The following PLXNC1 variants were observed in gnomAD, a reference collection of about 807,000 sequenced individuals.
The protein encoded by PLXNC1 is plexin C1, also known as plexin-C1.
PLXNC1 carries 75 observed loss-of-function variants against 178.2 expected under a neutral mutation model. The observed-to-expected ratio is 0.42, with a 90% CI of 0.35 to 0.51. PLXNC1 has a LOEUF of 0.51. Among genes scored for constraint, PLXNC1 ranks in the 20% least tolerant of loss-of-function variants. The pLI is 0.02. For missense variants in PLXNC1, 1,503 were observed against 1,984.4 expected, an observed-to-expected ratio of 0.76 and a Z score of 4.61; for synonymous variants, 790 against 779.9, an observed-to-expected ratio of 1.01 and a Z score of -0.22.
At chr12:94,212,273 C>CAA (rs146191533) in intron 5 of PLXNC1, among the ~76,000 whole-genome samples, 156 of 89,076 alleles carry the variant, frequency 1.8e-3, no homozygotes, top group Non-Finnish European at 2.1e-3. Context: ...GACTCCGTCT[C>CAA]AAAAAAAAAA....
intron 14 of PLXNC1, 144 bp downstream of exon 14, chr12:94,248,556 C>A: frequency 1.4e-6 from 1 of 696,690 alleles, no homozygotes; most frequent in Non-Finnish European, 2.3e-6. Flanking sequence ...GTACTGCGAG[C>A]CCAAGCAAAA....
At chr12:94,198,765 T>A (rs1963015749) in intron 4 of PLXNC1, among the ~76,000 whole-genome samples, 2 of 152,192 alleles carry the variant, frequency 1.3e-5, no homozygotes, top group Non-Finnish European at 2.9e-5. Flanking sequence ...TGCCTTGGTC[T>A]TCACATGACC....
chr12:94,187,255 TAAG>T (rs1024014943), intron 4 of PLXNC1, among the ~76,000 whole-genome samples: 19 of 150,806 alleles, frequency 1.3e-4, no homozygotes, highest in South Asian at 6.3e-4. Flanking sequence ...GTGAAAAGGA[TAAG>T]AAAGAGCAGA....
At chr12:94,182,857 C>CTATATCTATA (rs570479179) in intron 3 of PLXNC1, among the ~76,000 whole-genome samples, 1 of 141,746 alleles carries the variant, frequency 7.1e-6, no homozygotes, top group South Asian at 2.3e-4. Flanking sequence ...TCAAGAATAT[C>CTATATCTATA]TGTATCTATC....
intron 4 of PLXNC1, among the ~76,000 whole-genome samples, chr12:94,204,555 G>A (rs1229681280): frequency 6.6e-6 from 1 of 152,212 alleles, no homozygotes; most frequent in Admixed American, 6.5e-5. Flanking sequence ...TTGGTCTTAT[G>A]TTTTGGCATT....
At position 94,170,141 on chromosome 12, in the gene PLXNC1, T is replaced by C. The variant is rs185434763; in HGVS notation, c.1203+848T>C. 9.6e-3 allele frequency among the ~76,000 whole-genome samples: 1,465 copies of C among 152,314 alleles called. 33 individuals carry two copies. The highest frequency in any genetic ancestry group is 0.034 in the African/African-American group (1,405 of 41,556). ...ATTTACTCTCAGCTCAGATTTTTAA[T>C]CGAGTAATGGTAGATCTGTTTCCCT... is the stretch of plus-strand genomic sequence containing the variant. On this transcript the variant is annotated intron_variant, in intron 2 of 30. Coordinates refer to ENST00000258526, the MANE Select transcript of PLXNC1 (RefSeq NM_005761.3).
chr12:94,195,038 T>G (rs1253680051), intron 4 of PLXNC1, among the ~76,000 whole-genome samples: 1 of 152,010 alleles, frequency 6.6e-6, no homozygotes, highest in Non-Finnish European at 1.5e-5. Context: ...GTGAGAGGTC[T>G]GTGGAGAGAC....
At chr12:94,187,906 G>A (rs1962579724) in intron 4 of PLXNC1, among the ~76,000 whole-genome samples, 1 of 152,086 alleles carries the variant, frequency 6.6e-6, no homozygotes, top group South Asian at 2.1e-4. Context: ...GTTGATTGAG[G>A]AGAGAAGTTT....
At chr12:94,174,134 G>C (rs1312870847) in intron 2 of PLXNC1, among the ~76,000 whole-genome samples, 2 of 152,156 alleles carry the variant, frequency 1.3e-5, no homozygotes, top group Non-Finnish European at 2.9e-5. Context: ...CTTGGGCTCA[G>C]ACTGGTTACC....
At chr12:94,156,104 A>G (rs1961158012) in intron 1 of PLXNC1, among the ~76,000 whole-genome samples, 1 of 152,262 alleles carries the variant, frequency 6.6e-6, no homozygotes, top group Non-Finnish European at 1.5e-5. Flanking sequence ...ATCTATAAAT[A>G]GTGATCCTCT....
chr12:94,234,330 T>G (rs137981172), intron 9 of PLXNC1, among the ~76,000 whole-genome samples: 1 of 152,204 alleles, frequency 6.6e-6, no homozygotes, highest in Non-Finnish European at 1.5e-5. Context: ...TTAGACCTTT[T>G]GAAAGATAAC....
chr12:94,196,473 G>C (rs1210550196), intron 4 of PLXNC1, among the ~76,000 whole-genome samples: 1 of 152,120 alleles, frequency 6.6e-6, no homozygotes, highest in African/African-American at 2.4e-5. Flanking sequence ...AGCTTCCTGA[G>C]CCCCTCACCA....
rs772824714 is a variant in PLXNC1 at position 94,260,746 on chromosome 12, A to T, written c.3356A>T (p.Asn1119Ile). ...LTRDLMEQCS[N>I]MQPKLMLRRT... ...AGGGACTTGATGGAACAGTGTAGTA[A>T]CATGCAGCCGAAACTCATGCTGAGA... The change falls in exon 20 of 31, where the codon AAC becomes ATC. Residue 1119 changes from asparagine (N) to isoleucine (I), a missense_variant. Coordinates refer to ENST00000258526, the MANE Select transcript of PLXNC1 (RefSeq NM_005761.3). This position sits in a 1 kb window ranked among gnomAD's most constrained non-coding sequence, Gnocchi z 4.4. The T allele has an allele frequency of 1.0e-4, 165 of 1,614,094 alleles. No individual in the cohort carries two copies. The highest frequency in any genetic ancestry group is 9.9e-4 in the Middle Eastern group (6 of 6,084).
At position 94,303,804 on chromosome 12, in the gene PLXNC1, AAAG is replaced by A. The variant is rs1565877452; in HGVS notation, c.4442_4444del (p.Glu1481del). On this transcript the variant is annotated inframe_deletion, in exon 29 of 31. Coordinates refer to ENST00000258526, the MANE Select transcript of PLXNC1 (RefSeq NM_005761.3). ...CTATGCCAAGGATATCCCAACCTACAAAGAAGAAGTAAAATCTTATTACAAAGC... is the reference window on the plus strand; with the variant it reads ...CTATGCCAAGGATATCCCAACCTACAAAGAAGTAAAATCTTATTACAAAGC... The A allele has an allele frequency of 1.2e-6, 2 of 1,610,596 alleles. No individual in the cohort carries two copies. Among genetic ancestry groups the A allele is most frequent in the African/African-American group, 1.3e-5 (1 of 74,562 alleles).
chr12:94,276,281 C>A (rs1207800450), intron 21 of PLXNC1, among the ~76,000 whole-genome samples: 1 of 152,148 alleles, frequency 6.6e-6, no homozygotes, highest in Non-Finnish European at 1.5e-5. Context: ...TTACCCGCCA[C>A]CATGAGAAGA....
At position 94,303,824 on chromosome 12, in the gene PLXNC1, T is replaced by C. The variant is rs1968732294; in HGVS notation, c.4455T>C (p.Tyr1485=). The change falls in exon 29 of 31, where the codon TAT becomes TAC. Residue 1485 remains tyrosine, a synonymous_variant. Transcript: ENST00000258526. ...IPTYKEEVKS[Y]YKAIRDLPPL... ...CCTACAAAGAAGAAGTAAAATCTTA[T>C]TACAAAGCAATCAGGGATTTGCCTC... 2 of 1,611,784 alleles carry C rather than the reference T, an allele frequency of 1.2e-6. No homozygotes were observed. Among genetic ancestry groups the C allele is most frequent in the Non-Finnish European group, 1.7e-6 (2 of 1,179,052 alleles).
At chr12:94,256,137 C>T (rs1218880155) in intron 17 of PLXNC1, 1 of 152,164 alleles carries the variant, frequency 6.6e-6, no homozygotes, top group African/African-American at 2.4e-5. Flanking sequence ...TTAAACACAT[C>T]AATACCAATG....
intron 21 of PLXNC1, among the ~76,000 whole-genome samples, chr12:94,266,209 G>A (rs763415790): frequency 7.2e-5 from 11 of 152,194 alleles, no homozygotes; most frequent in South Asian, 4.1e-4. Context: ...GCCGTGGAGC[G>A]TGTTATGGTT....
chr12:94,196,119 C>T (rs1026443974), intron 4 of PLXNC1, among the ~76,000 whole-genome samples: 6 of 152,124 alleles, frequency 3.9e-5, no homozygotes, highest in African/African-American at 1.2e-4. Context: ...AATTTATGGC[C>T]ATATTCTTCA....
Sources: gnomAD v4.1 joint callset for allele counts (sites outside exome capture counted in the v4.1 genomes callset) on GRCh38, gnomAD v4.1.1 for gene constraint, Gnocchi (gnomAD v3.1) non-coding constraint, MANE v1.5 for transcripts, NCBI Gene and HGNC (gene_info 2026-07-23, HGNC 2026-07-21) for gene names.